FBXW11: variants seen among roughly 807,000 people sequenced by gnomAD.
FBXW11 encodes the protein F-box/WD repeat-containing protein 11.
A neutral mutation model predicts 77.6 loss-of-function variants in FBXW11; 19 were observed. The observed-to-expected ratio is 0.24, with a 90% CI of 0.17 to 0.36. FBXW11 has a LOEUF of 0.36. Among genes scored for constraint, FBXW11 ranks in the 10% least tolerant of loss-of-function variants. FBXW11 has a pLI of 1.00. For missense variants in FBXW11, 334 were observed against 704.2 expected (o/e 0.47, Z 5.95); for synonymous variants, 235 against 249.4 (o/e 0.94, Z 0.54).
chr5:171,874,392 C>T (rs533289377), intron 9 of FBXW11, among the ~76,000 whole-genome samples: 17 of 152,294 alleles, frequency 1.1e-4, no homozygotes, highest in African/African-American at 4.1e-4. Flanking sequence ...GAGAAATCCT[C>T]CATGCTGATA....
At chr5:171,931,847 CCCT>C in intron 2 of FBXW11, among the ~76,000 whole-genome samples, 1 of 10,376 alleles carries the variant, frequency 9.6e-5, no homozygotes, top group Non-Finnish European at 1.8e-4. Flanking sequence ...CTCCCTCCCT[CCCT>C]CCCTCCCTCC....
Position 171,962,848 on chromosome 5 carries a change from A to G in FBXW11, c.46-5150T>C, listed in dbSNP as rs562495706. Among the ~76,000 whole-genome samples the G allele has an allele frequency of 5.9e-5, 9 of 152,286 alleles. No individual in the cohort carries two copies. In the South Asian group the frequency reaches 1.9e-3, roughly 32 times the overall value. ...GAATCTCCTGCCCTGATTCCTTCTC[A>G]AAGAAGCAGTTCTTTTAAAATTTCC... On this transcript the variant is annotated intron_variant, in intron 1 of 13. Coordinates refer to ENST00000517395, the MANE Select transcript of FBXW11 (RefSeq NM_001378974.1).
chr5:171,916,535 G>C, intron 2 of FBXW11: 3 of 839,618 alleles, frequency 3.6e-6, no homozygotes, highest in Non-Finnish European at 4.3e-6. Context: ...ATTCTGAATG[G>C]GATGAAGAAC....
chr5:171,974,370 G>T (rs1160379680), intron 1 of FBXW11, among the ~76,000 whole-genome samples: 1 of 149,610 alleles, frequency 6.7e-6, no homozygotes, highest in African/African-American at 2.5e-5. Flanking sequence ...GGAGGCGGAG[G>T]TTATGGTGAG....
At position 171,970,731 on chromosome 5, in the gene FBXW11, C is replaced by G. The variant is rs528616406; in HGVS notation, c.46-13033G>C. ...CTTTAGCTAAGAACAGCATGAAAAG[C>G]GAGTTGTCAAAGATAATAAAGTGGC... On this transcript the variant is annotated intron_variant, in intron 1 of 13. Coordinates refer to ENST00000517395, the MANE Select transcript of FBXW11 (RefSeq NM_001378974.1). 2.0e-5 allele frequency among the ~76,000 whole-genome samples: 3 copies of G among 152,198 alleles called. No individual in the cohort carries two copies. The East Asian group carries it at 5.8e-4, about 29-fold the overall frequency.
At chr5:171,944,324 C>G (rs1363447440) in intron 2 of FBXW11, among the ~76,000 whole-genome samples, 2 of 151,532 alleles carry the variant, frequency 1.3e-5, no homozygotes, top group Non-Finnish European at 2.9e-5. Context: ...CACCTGTAAC[C>G]CAGCACTTTG....
intron 1 of FBXW11, among the ~76,000 whole-genome samples, chr5:172,005,331 G>A (rs1286507990): frequency 6.6e-6 from 1 of 152,180 alleles, no homozygotes; most frequent in Admixed American, 6.5e-5. Context: ...GCTTCCATAG[G>A]AAGAAATCCT....
At chr5:171,897,082 C>A (rs1385168373) in intron 6 of FBXW11, among the ~76,000 whole-genome samples, 1 of 152,200 alleles carries the variant, frequency 6.6e-6, no homozygotes, top group Non-Finnish European at 1.5e-5. Flanking sequence ...CAATTACCCA[C>A]TAGCTGTGTG....
At chr5:171,982,823 G>A (rs943500530) in intron 1 of FBXW11, among the ~76,000 whole-genome samples, 1 of 152,010 alleles carries the variant, frequency 6.6e-6, no homozygotes. Flanking sequence ...CCTGACCCGA[G>A]GCACGACTCT....
In FBXW11 at chr5:171,869,907, A is replaced by T; in HGVS notation, c.1452-100T>A. Reference sequence around the variant, plus strand: ...AGTAGTGCATCTGAACTGCCTATTTATAAAAGCTAATGGGGAACATGCTTA... The same window carrying T: ...AGTAGTGCATCTGAACTGCCTATTTTTAAAAGCTAATGGGGAACATGCTTA... On this transcript the variant is annotated intron_variant, in intron 11 of 13. Coordinates refer to ENST00000517395, the MANE Select transcript of FBXW11 (RefSeq NM_001378974.1). This position sits in a 1 kb window ranked among gnomAD's most constrained non-coding sequence, Gnocchi z 4.1. 3.3e-6 allele frequency: 2 copies of T among 609,874 alleles called. No homozygotes were observed. The highest frequency in any genetic ancestry group is 2.8e-6 in the Non-Finnish European group (1 of 352,610). The allele number at this position is 609,874 out of a possible 1,614,324, so 37.8% of individuals were successfully genotyped here.
At chr5:171,908,240 C>T (rs1760655659) in intron 4 of FBXW11, among the ~76,000 whole-genome samples, 1 of 152,172 alleles carries the variant, frequency 6.6e-6, no homozygotes, top group Non-Finnish European at 1.5e-5. Context: ...GTAATTCTCT[C>T]TCACGCAATC....
At chr5:171,935,815 A>C (rs893023820) in intron 2 of FBXW11, among the ~76,000 whole-genome samples, 1 of 152,164 alleles carries the variant, frequency 6.6e-6, no homozygotes, top group African/African-American at 2.4e-5. Flanking sequence ...TGGCTCTAAG[A>C]ATAAACAAGT....
At chr5:171,908,625 A>G (rs1760682240) in intron 4 of FBXW11, 1 of 152,236 alleles carries the variant, frequency 6.6e-6, no homozygotes, top group Non-Finnish European at 1.5e-5. Context: ...GCTAGATTTC[A>G]GCATAAAAAG....
intron 3 of FBXW11, among the ~76,000 whole-genome samples, chr5:171,911,120 C>T (rs1417877345): frequency 1.3e-5 from 2 of 152,238 alleles, no homozygotes; most frequent in Non-Finnish European, 2.9e-5. Flanking sequence ...TATGAATTAT[C>T]ATCTCCAAAG....
intron 7 of FBXW11, among the ~76,000 whole-genome samples, chr5:171,886,678 T>C (rs1358109884): frequency 2.6e-5 from 4 of 152,172 alleles, no homozygotes; most frequent in African/African-American, 4.8e-5. Context: ...TTCTAGAGTA[T>C]ACTGGTAGCC....
At chr5:171,934,897 G>C (rs2113111701) in intron 2 of FBXW11, among the ~76,000 whole-genome samples, 1 of 152,256 alleles carries the variant, frequency 6.6e-6, no homozygotes, top group Admixed American at 6.5e-5. Context: ...GCGGTTCCTA[G>C]GGTTGGATGG....
intron 2 of FBXW11, among the ~76,000 whole-genome samples, chr5:171,937,706 T>C (rs555403729): frequency 1.3e-5 from 2 of 151,934 alleles, no homozygotes; most frequent in South Asian, 4.2e-4. Context: ...CACACGCCTG[T>C]AGTCCCAGCT....
chr5:171,918,268 A>G (rs148877687), intron 2 of FBXW11, among the ~76,000 whole-genome samples: 42 of 152,192 alleles, frequency 2.8e-4, no homozygotes, highest in African/African-American at 9.4e-4. Flanking sequence ...GGGATACTCA[A>G]TCCGTACACA....
chr5:171,892,028 T>C (rs534215858), intron 6 of FBXW11, among the ~76,000 whole-genome samples: 7 of 152,366 alleles, frequency 4.6e-5, no homozygotes, highest in East Asian at 1.9e-4. Context: ...TGAGGAAAGA[T>C]AGTGAGCAAC....
Sources: gnomAD v4.1 joint callset for allele counts (sites outside exome capture counted in the v4.1 genomes callset) on GRCh38, gnomAD v4.1.1 for gene constraint, Gnocchi (gnomAD v3.1) non-coding constraint, MANE v1.5 for transcripts, NCBI Gene and HGNC (gene_info 2026-07-23, HGNC 2026-07-21) for gene names.